LRRC4C: variants seen among roughly 807,000 people sequenced by gnomAD.
The protein encoded by LRRC4C is leucine-rich repeat-containing protein 4C.
Under a neutral mutation model 33.6 loss-of-function variants are expected in LRRC4C, and 5 were observed. That is an observed-to-expected ratio of 0.15 (90% confidence interval 0.08 to 0.31). The LOEUF (loss-of-function observed/expected upper bound fraction) is 0.31, where lower values mean the gene tolerates loss of function less well. LRRC4C is among the 10% of genes least tolerant of loss of function. The pLI is 1.00. For synonymous variants in LRRC4C, 329 were observed against 302.0 expected (o/e 1.09, Z -0.93); for missense variants, 560 against 796.7 (o/e 0.70, Z 3.58).
intron 1 of LRRC4C, among the ~76,000 whole-genome samples, chr11:41,334,509 T>C (rs747894356): frequency 6.6e-6 from 1 of 152,080 alleles, no homozygotes; most frequent in Non-Finnish European, 1.5e-5. Flanking sequence ...GTCTGGTACT[T>C]ATTGGGGGCA....
chr11:40,363,190 A>G (rs903097750), intron 3 of LRRC4C, among the ~76,000 whole-genome samples: 1 of 152,186 alleles, frequency 6.6e-6, no homozygotes, highest in African/African-American at 2.4e-5. Flanking sequence ...GATAAAGAAA[A>G]TGTGGTACAT....
intron 1 of LRRC4C, among the ~76,000 whole-genome samples, chr11:41,023,531 T>G (rs1396352817): frequency 2.0e-5 from 3 of 151,782 alleles, no homozygotes; most frequent in Non-Finnish European, 4.4e-5. Flanking sequence ...TAGTATATTT[T>G]CCCATGGACA....
At chr11:40,186,943 G>A (rs562584189) in intron 5 of LRRC4C, among the ~76,000 whole-genome samples, 38 of 152,138 alleles carry the variant, frequency 2.5e-4, no homozygotes, top group Non-Finnish European at 4.4e-4. Context: ...GGATGCCCTC[G>A]GTGGCTTGAG....
At chr11:40,675,910 T>C (rs1944375479) in intron 2 of LRRC4C, among the ~76,000 whole-genome samples, 2 of 152,202 alleles carry the variant, frequency 1.3e-5, no homozygotes, top group African/African-American at 2.4e-5. Flanking sequence ...ATGTGAACAA[T>C]TCAAAGCAAT....
chr11:41,422,919 A>G (rs968385971), intron 1 of LRRC4C, among the ~76,000 whole-genome samples: 1 of 152,116 alleles, frequency 6.6e-6, no homozygotes, highest in Non-Finnish European at 1.5e-5. Flanking sequence ...AATGATTTTT[A>G]AAAAGCATTT....
intron 5 of LRRC4C, among the ~76,000 whole-genome samples, chr11:40,207,913 C>A (rs1863278444): frequency 6.6e-6 from 1 of 152,104 alleles, no homozygotes; most frequent in Non-Finnish European, 1.5e-5. Flanking sequence ...AGGTACAGAG[C>A]CTCAATGGAG....
chr11:41,390,983 T>TAA (rs35303507), intron 1 of LRRC4C, among the ~76,000 whole-genome samples: 74 of 139,844 alleles, frequency 5.3e-4, no homozygotes, highest in East Asian at 1.5e-3. Context: ...TTGCTTTAAT[T>TAA]AAAAAAAAAA....
At chr11:41,176,504 T>C (rs1945204389) in intron 1 of LRRC4C, among the ~76,000 whole-genome samples, 1 of 152,202 alleles carries the variant, frequency 6.6e-6, no homozygotes, top group Non-Finnish European at 1.5e-5. Flanking sequence ...AACTATCAAA[T>C]GTCAGGTGTA....
In LRRC4C at chr11:40,114,295, G is replaced by A. The variant is rs1855249811; in HGVS notation, c.*75C>T. On this transcript the variant is annotated 3_prime_UTR_variant, in exon 7 of 7. Transcript: ENST00000528697. ...ACACTTTTTTGAAACAGTAGATTTA[G>A]CCCAGTCATTTGTGTCATTTTTAAT... The A allele has an allele frequency of 7.1e-7, 1 of 1,410,398 alleles. No individual in the cohort carries two copies. Among genetic ancestry groups the A allele is most frequent in the Non-Finnish European group, 9.5e-7 (1 of 1,056,720 alleles). 87.4% of individuals were successfully genotyped at this position (1,410,398 alleles called of 1,614,324 possible).
intron 3 of LRRC4C, among the ~76,000 whole-genome samples, chr11:40,518,144 A>T (rs1416566149): frequency 6.6e-6 from 1 of 152,228 alleles, no homozygotes; most frequent in Admixed American, 6.5e-5. Flanking sequence ...TAAGACCTTA[A>T]ACCATAAAAA....
chr11:40,836,042 G>A (rs976342236), intron 2 of LRRC4C, among the ~76,000 whole-genome samples: 1 of 152,018 alleles, frequency 6.6e-6, no homozygotes, highest in Non-Finnish European at 1.5e-5. Flanking sequence ...GTCACTGTAC[G>A]TTCAAAAAGA....
At chr11:41,163,775 C>G (rs946795673) in intron 1 of LRRC4C, among the ~76,000 whole-genome samples, 3 of 151,824 alleles carry the variant, frequency 2.0e-5, no homozygotes, top group East Asian at 1.9e-4. Context: ...ACACTCCAAG[C>G]AAATTTTTAT....
At chr11:40,317,326 G>T (rs1398290285) in intron 4 of LRRC4C, among the ~76,000 whole-genome samples, 1 of 151,590 alleles carries the variant, frequency 6.6e-6, no homozygotes, top group Non-Finnish European at 1.5e-5. Context: ...CCTCATTCTT[G>T]TTTCATCACA....
At chr11:40,568,309 C>T (rs534527644) in intron 3 of LRRC4C, among the ~76,000 whole-genome samples, 6 of 152,272 alleles carry the variant, frequency 3.9e-5, no homozygotes, top group African/African-American at 1.4e-4. Context: ...CTGTAGGGCA[C>T]ATACGTTATT....
chr11:41,293,867 G>C (rs1221770688), intron 1 of LRRC4C, among the ~76,000 whole-genome samples: 5 of 152,112 alleles, frequency 3.3e-5, no homozygotes, highest in Non-Finnish European at 5.9e-5. Context: ...AACATGCAGG[G>C]ATTACAGGTG....
chr11:40,877,880 G>A lies in LRRC4C; in HGVS notation c.-407+55755C>T, dbSNP rs551748645. The stretch of plus-strand genomic sequence containing the variant: ...GCTTTGTTGGAAAGCCAGTCGACAC[G>A]TATTACACAAAGCAGGCCTGGAGAA... On this transcript the variant is annotated intron_variant, in intron 2 of 6. Transcript: ENST00000528697. Among the ~76,000 whole-genome samples the A allele has an allele frequency of 3.7e-4, 57 of 152,144 alleles. 1 individual carries two copies. The highest frequency in any genetic ancestry group is 7.1e-4 in the Non-Finnish European group (48 of 68,030).
chr11:40,535,078 T>A (rs1956416954), intron 3 of LRRC4C, among the ~76,000 whole-genome samples: 1 of 152,138 alleles, frequency 6.6e-6, no homozygotes, highest in Non-Finnish European at 1.5e-5. Context: ...TCCTAGAAAG[T>A]TCTGGAAATT....
chr11:41,375,447 C>A (rs1313743574), intron 1 of LRRC4C, among the ~76,000 whole-genome samples: 3 of 152,020 alleles, frequency 2.0e-5, no homozygotes, highest in Non-Finnish European at 4.4e-5. Context: ...GAAATATAGA[C>A]AAGTTGTTTT....
rs1858053618 is a variant in LRRC4C at position 40,149,957 on chromosome 11, GA to G, written c.-95-9105del. Among the ~76,000 whole-genome samples the G allele has an allele frequency of 2.0e-5, 3 of 152,284 alleles. No individual in the cohort carries two copies. The South Asian group carries it at 6.2e-4, about 32-fold the overall frequency. Reference sequence around the variant, plus strand: ...ACAAACTTGATGATATAAAACAACAGAAATGTATCCTTCTGCAGTTCTGGAA... The same window carrying G: ...ACAAACTTGATGATATAAAACAACAGAATGTATCCTTCTGCAGTTCTGGAA... On this transcript the variant is annotated intron_variant, in intron 5 of 6. Coordinates refer to ENST00000528697, the MANE Select transcript of LRRC4C (RefSeq NM_001258419.2).
Sources: allele counts gnomAD v4.1 joint callset (sites outside exome capture counted in the v4.1 genomes callset), GRCh38; gene constraint gnomAD v4.1.1; transcripts MANE v1.5; gene names NCBI Gene and HGNC (gene_info 2026-07-23, HGNC 2026-07-21).